The following TTC17 variants were observed in gnomAD, a reference collection of about 807,000 sequenced individuals.
TTC17 encodes the protein tetratricopeptide repeat domain 17.
A neutral mutation model predicts 143.8 loss-of-function variants in TTC17; 58 were observed. The ratio of observed to expected loss-of-function variants is 0.40; its 90% CI spans 0.33 to 0.50. The LOEUF is 0.50. TTC17 is among the 20% of genes least tolerant of loss of function. The pLI is 0.49. For synonymous variants in TTC17, 501 were observed against 497.8 expected, an observed-to-expected ratio of 1.01 and a Z score of -0.09; for missense variants, 1,273 against 1,392.5, an observed-to-expected ratio of 0.91 and a Z score of 1.37.
chr11:43,487,391 C>T (rs1019371970), intron 21 of TTC17, among the ~76,000 whole-genome samples: 5 of 152,162 alleles, frequency 3.3e-5, no homozygotes, highest in Admixed American at 3.3e-4. Context: ...CGTGATCTGC[C>T]TTCTTTGGCC....
At chr11:43,378,330 G>A (rs1285582354) in intron 1 of TTC17, among the ~76,000 whole-genome samples, 1 of 152,168 alleles carries the variant, frequency 6.6e-6, no homozygotes, top group Non-Finnish European at 1.5e-5. Flanking sequence ...ATCTCTTGAT[G>A]TCTGGACGGA....
chr11:43,379,378 C>T, intron 2 of TTC17, 56 bp downstream of exon 2: 1 of 1,474,608 alleles, frequency 6.8e-7, no homozygotes, highest in Non-Finnish European at 9.3e-7. Context: ...TCACAGGAGC[C>T]ATTGTGTTCA....
chr11:43,389,979 A>G (rs889847532), intron 3 of TTC17, among the ~76,000 whole-genome samples, 158 bp downstream of exon 3: 1 of 152,210 alleles, frequency 6.6e-6, no homozygotes, highest in Non-Finnish European at 1.5e-5. Context: ...AATTCTTATA[A>G]ATTAATTTAA....
intron 1 of TTC17, chr11:43,370,227 G>T: frequency 2.8e-6 from 1 of 362,730 alleles, no homozygotes; most frequent in South Asian, 2.1e-5. Context: ...GAGAAGTGGA[G>T]CAACAGACTT....
chr11:43,398,033 T>C lies in TTC17; in HGVS notation c.978T>C (p.Pro326=). 2 of 1,613,812 alleles carry C rather than the reference T, an allele frequency of 1.2e-6. No homozygotes were observed. Among genetic ancestry groups the C allele is most frequent in the Non-Finnish European group, 1.7e-6 (2 of 1,179,982 alleles). Residue 326 remains proline, a synonymous_variant, in exon 8 of 24, where the codon CCT becomes CCC. Coordinates refer to ENST00000039989, the MANE Select transcript of TTC17 (RefSeq NM_018259.6). The part of the protein sequence containing the change: ...LCYDHALQAR[P]GFEQAIKRKH... ...ATGACCACGCTTTGCAGGCCAGACC[T>C]GGGTTTGAGCAAGCTATAAAGAGGA...
At chr11:43,370,905 G>A (rs1167116739) in intron 1 of TTC17, among the ~76,000 whole-genome samples, 1 of 151,786 alleles carries the variant, frequency 6.6e-6, no homozygotes, top group Non-Finnish European at 1.5e-5. Context: ...CTCCTCAAGT[G>A]GTTCTCCCAC....
At chr11:43,483,351 A>C (rs1326474867) in intron 21 of TTC17, among the ~76,000 whole-genome samples, 2 of 152,056 alleles carry the variant, frequency 1.3e-5, no homozygotes, top group Non-Finnish European at 2.9e-5. Context: ...ATAAACTTTA[A>C]AACAAAACCA....
chr11:43,451,317 T>G, intron 21 of TTC17, 52 bp downstream of exon 21: 5 of 1,544,358 alleles, frequency 3.2e-6, no homozygotes, highest in Non-Finnish European at 4.5e-6. Flanking sequence ...TCTAACTTCT[T>G]TTCTAAGTTA....
chr11:43,386,953 C>G (rs1857192271), intron 2 of TTC17, among the ~76,000 whole-genome samples: 1 of 152,018 alleles, frequency 6.6e-6, no homozygotes, highest in African/African-American at 2.4e-5. Flanking sequence ...TCATACTTGG[C>G]TAACTTTGTT....
chr11:43,406,302 G>GTATA (rs1858128945), intron 13 of TTC17, among the ~76,000 whole-genome samples: 1 of 152,120 alleles, frequency 6.6e-6, no homozygotes, highest in Admixed American at 6.5e-5. Flanking sequence ...CTCCAGAAGT[G>GTATA]TATATAAATT....
intron 21 of TTC17, among the ~76,000 whole-genome samples, chr11:43,474,094 A>AT (rs1948141366): frequency 6.6e-6 from 1 of 152,232 alleles, no homozygotes; most frequent in Non-Finnish European, 1.5e-5. Context: ...AATTGGAAAC[A>AT]ACCCAAATGC....
At chr11:43,409,399 T>C (rs887718442) in intron 15 of TTC17, among the ~76,000 whole-genome samples, 11 of 152,188 alleles carry the variant, frequency 7.2e-5, no homozygotes, top group African/African-American at 2.4e-4. Context: ...AACAACCCAC[T>C]AAAATGGTTG....
At chr11:43,379,139 G>A (rs900395234) in intron 1 of TTC17, 94 bp from the exon 2 acceptor site, 32 of 1,147,350 alleles carry the variant, frequency 2.8e-5, no homozygotes, top group African/African-American at 3.1e-5. Context: ...TTACAATGGC[G>A]AATGAACAAT....
chr11:43,406,969 C>G lies in TTC17; in HGVS notation c.1762-169C>G, dbSNP rs78306010. 6.2e-3 allele frequency among the ~76,000 whole-genome samples: 947 copies of G among 152,216 alleles called. 13 individuals carry two copies. Among genetic ancestry groups the G allele is most frequent in the African/African-American group, 0.022 (894 of 41,504 alleles). ...AACTATTACATACATGTGAGCAGGT[C>G]AACACCTGTTGGTATGTGAATGAAT... On this transcript the variant is annotated intron_variant, in intron 13 of 23. Transcript: ENST00000039989.
Position 43,379,396 on chromosome 11 carries a change from G to C in TTC17, c.249+74G>C, listed in dbSNP as rs1590325741. On this transcript the variant is annotated intron_variant, in intron 2 of 23. Coordinates refer to ENST00000039989, the MANE Select transcript of TTC17 (RefSeq NM_018259.6). Reference sequence around the variant, plus strand: ...CAGGAGCCATTGTGTTCAAAGAAAAGCTAAAGCATATTATTTTTTAAGTCT... The same window carrying C: ...CAGGAGCCATTGTGTTCAAAGAAAACCTAAAGCATATTATTTTTTAAGTCT... 9 of 1,350,902 alleles carry C rather than the reference G, an allele frequency of 6.7e-6. No individual in the cohort carries two copies. The East Asian group carries it at 1.4e-4, about 21-fold the overall frequency. The allele number at this position is 1,350,902 out of a possible 1,614,324, so 83.7% of individuals were successfully genotyped here.
At chr11:43,389,547 C>A in intron 2 of TTC17, 105 bp from the exon 3 acceptor site, 1 of 1,162,014 alleles carries the variant, frequency 8.6e-7, no homozygotes, top group Non-Finnish European at 1.2e-6. Flanking sequence ...TGTCTTCCTA[C>A]ATAGAGGATT....
In TTC17 at chr11:43,398,641, G is replaced by T. The variant is rs530293228; in HGVS notation, c.1058+528G>T. On this transcript the variant is annotated intron_variant, in intron 8 of 23. Coordinates refer to ENST00000039989, the MANE Select transcript of TTC17 (RefSeq NM_018259.6). ...TTGTGTGTTAGGTTGTACAGTAATG[G>T]AATTCTATTGTATTTGATCCTTGAG... Among the ~76,000 whole-genome samples the T allele has an allele frequency of 3.9e-4, 60 of 152,226 alleles. 1 individual carries two copies. The South Asian group carries it at 0.012, about 32-fold the overall frequency.
chr11:43,397,523 C>G, intron 7 of TTC17, 32 bp downstream of exon 7: 1 of 1,507,696 alleles, frequency 6.6e-7, no homozygotes, highest in Non-Finnish European at 8.9e-7. Flanking sequence ...ATGAGTCATG[C>G]TAGTTGCCAC....
intron 1 of TTC17, among the ~76,000 whole-genome samples, chr11:43,361,206 C>CT (rs1274883018): frequency 6.6e-6 from 1 of 152,180 alleles, no homozygotes; most frequent in Non-Finnish European, 1.5e-5. Context: ...AGAATCCAAA[C>CT]TATCAATTTA....
Sources: gnomAD v4.1 joint callset for allele counts (sites outside exome capture counted in the v4.1 genomes callset) on GRCh38, gnomAD v4.1.1 for gene constraint, MANE v1.5 for transcripts, NCBI Gene and HGNC (gene_info 2026-07-23, HGNC 2026-07-21) for gene names.